The following PIP5K1A variants were observed in gnomAD, a reference collection of about 807,000 sequenced individuals.
The protein encoded by PIP5K1A is phosphatidylinositol 4-phosphate 5-kinase type-1 alpha.
Under a neutral mutation model 72.9 loss-of-function variants are expected in PIP5K1A, and 46 were observed. The observed-to-expected ratio is 0.63, with a 90% confidence interval of 0.50 to 0.81. PIP5K1A has a LOEUF of 0.81. PIP5K1A is among the 30% of genes least tolerant of loss of function. PIP5K1A has a pLI of 0.00. For missense variants in PIP5K1A, 458 were observed against 706.1 expected (o/e 0.65, Z 3.98); for synonymous variants, 228 against 255.1 (o/e 0.89, Z 1.01).
At chr1:151,218,992 GATTAGACTAAAA>G (rs1394075261) in intron 1 of PIP5K1A, among the ~76,000 whole-genome samples, 8 of 152,184 alleles carry the variant, frequency 5.3e-5, no homozygotes, top group African/African-American at 1.4e-4. Flanking sequence ...TAATAAAAGG[GATTAGACTAAAA>G]ATTAGACTAA....
At chr1:151,238,662 A>G (rs1488602247) in intron 10 of PIP5K1A, 3 of 255,922 alleles carry the variant, frequency 1.2e-5, no homozygotes, top group Non-Finnish European at 1.5e-5. Flanking sequence ...TGTAAAATGT[A>G]TTAGACTGTG....
intron 5 of PIP5K1A, 33 bp downstream of exon 5, chr1:151,231,834 G>A: frequency 6.2e-7 from 1 of 1,609,096 alleles, no homozygotes; most frequent in Non-Finnish European, 8.5e-7. Context: ...GCATGTCCTG[G>A]AAATGTGGCC....
In PIP5K1A at chr1:151,242,452, C is replaced by T. The variant is rs369595384; in HGVS notation, c.1525C>T (p.Arg509Cys). The T allele has an allele frequency of 6.8e-5, 110 of 1,613,944 alleles. No homozygotes were observed. Among genetic ancestry groups the T allele is most frequent in the Non-Finnish European group, 8.7e-5 (103 of 1,179,986 alleles). Residue 509 changes from arginine (R) to cysteine (C), a missense_variant, in exon 14 of 16, where the codon CGT (arginine) becomes TGT (cysteine). Physicochemically the swap from Arg to Cys is radical, Grantham distance 180. Coordinates refer to ENST00000368888, the MANE Select transcript of PIP5K1A (RefSeq NM_001135638.2). The stretch of plus-strand genomic sequence containing the variant: ...CTTTTTTCCAGGCGTTCACCTTGGT[C>T]GTCCTGATGTTTTACCTCAGACTCC... ...AEVEPGVHLG[R>C]PDVLPQTPPL...
At position 151,199,035 on chromosome 1, in the gene PIP5K1A, T is replaced by C; in HGVS notation, c.39T>C (p.Gly13=). 6.2e-7 allele frequency: 1 copy of C among 1,614,052 alleles called. No homozygotes were observed. The highest frequency in any genetic ancestry group is 8.5e-7 in the Non-Finnish European group (1 of 1,180,016). ...SASSGPSSSV[G]FSSFDPAVPS... is the part of the protein sequence containing the mutation. The stretch of plus-strand genomic sequence containing the variant: ...CCTCCGGGCCGTCGTCTTCGGTCGG[T>C]TTTTCATCCTTTGATCCCGCGGTCC... Residue 13 remains glycine (G), a synonymous_variant, in exon 1 of 16, where the codon GGT becomes GGC. Transcript: ENST00000368888.
At chr1:151,227,260 T>C in intron 3 of PIP5K1A, 60 bp from the exon 4 acceptor site, 1 of 946,700 alleles carries the variant, frequency 1.1e-6, no homozygotes, top group African/African-American at 1.6e-5. Flanking sequence ...GATGTACCAT[T>C]GTGGTAGCTA....
Position 151,234,437 on chromosome 1 carries a change from C to A in PIP5K1A, c.880C>A (p.Leu294Ile). ...CTTCTTACAAGACATCCCTGATGGT[C>A]TTTTTTTGGATGCTGACATGTACAA... ...LDFLQDIPDG[L>I]FLDADMYNAL... The change falls in exon 8 of 16, where the codon CTT becomes ATT. Residue 294 changes from leucine to isoleucine, a missense_variant. Leu to Ile is a conservative substitution (Grantham distance 5). Transcript: ENST00000368888. 6.2e-7 allele frequency: 1 copy of A among 1,613,900 alleles called. No homozygotes were observed.
intron 1 of PIP5K1A, among the ~76,000 whole-genome samples, chr1:151,206,233 A>ATGG (rs1437475969): frequency 1.3e-5 from 2 of 151,824 alleles, no homozygotes; most frequent in African/African-American, 4.8e-5. Flanking sequence ...TTTATTTGTA[A>ATGG]TGGTTGTATT....
In PIP5K1A at chr1:151,219,174, A is replaced by G. The variant is rs147278270; in HGVS notation, c.86-5071A>G. ...GGTGGGCAGATCACTTGAGGTCAGG[A>G]GTTCCAGACCAGGCTGGCCAACATG... is the stretch of plus-strand genomic sequence containing the variant. On this transcript the variant is annotated intron_variant, in intron 1 of 15. Transcript: ENST00000368888. Among the ~76,000 whole-genome samples the G allele has an allele frequency of 1.4e-3, 206 of 152,230 alleles. 2 individuals are homozygous for G. Among genetic ancestry groups the G allele is most frequent in the African/African-American group, 4.8e-3 (199 of 41,556 alleles).
chr1:151,211,517 C>T (rs1013018846), intron 1 of PIP5K1A, among the ~76,000 whole-genome samples: 10 of 151,338 alleles, frequency 6.6e-5, no homozygotes, highest in Admixed American at 6.6e-4. Context: ...ATTTTGTTGG[C>T]CAGGCGTGGT....
At chr1:151,202,097 C>T (rs587748861) in intron 1 of PIP5K1A, among the ~76,000 whole-genome samples, 7 of 152,302 alleles carry the variant, frequency 4.6e-5, no homozygotes, top group Admixed American at 1.3e-4. Context: ...ACAAACTCTC[C>T]TAAATAACCT....
intron 1 of PIP5K1A, among the ~76,000 whole-genome samples, chr1:151,217,625 A>G (rs1687829687): frequency 6.6e-6 from 1 of 152,116 alleles, no homozygotes; most frequent in South Asian, 2.1e-4. Context: ...TCTGTCACCC[A>G]AGCTGGAGTG....
chr1:151,234,361 G>T lies in PIP5K1A; in HGVS notation c.804G>T (p.Arg268=). 6.2e-7 allele frequency: 1 copy of T among 1,614,058 alleles called. No individual in the cohort carries two copies. The highest frequency in any genetic ancestry group is 8.5e-7 in the Non-Finnish European group (1 of 1,179,960). The change falls in exon 8 of 16, where the codon CGG becomes CGT. Residue 268 remains arginine (R), a synonymous_variant. Coordinates refer to ENST00000368888, the MANE Select transcript of PIP5K1A (RefSeq NM_001135638.2). ...TCAAAGGCTCAACCTACAAACGGCG[G>T]GCTTCCCAGAAAGAGCGAGAGAAGC... The part of the protein sequence containing the change: ...YDLKGSTYKR[R]ASQKEREKPL...
At chr1:151,209,422 C>A (rs939998313) in intron 1 of PIP5K1A, among the ~76,000 whole-genome samples, 2 of 150,634 alleles carry the variant, frequency 1.3e-5, no homozygotes, top group African/African-American at 4.9e-5. Context: ...AGGCGCGTGC[C>A]ACCATGCCTG....
Position 151,242,691 on chromosome 1 carries a change from T to C in PIP5K1A, c.1640+124T>C, listed in dbSNP as rs587664152. On this transcript the variant is annotated intron_variant, in intron 14 of 15. Transcript: ENST00000368888. ...GATTAGTGGCTTAAAATAACAAACA[T>C]ATATCATACTTTCTGTGGGTCAGGA... The C allele has an allele frequency of 1.2e-3, 1,044 of 851,248 alleles. 1 individual carries two copies. Among genetic ancestry groups the C allele is most frequent in the Middle Eastern group, 5.7e-3 (24 of 4,224 alleles). 52.7% of individuals were successfully genotyped at this position (851,248 alleles called of 1,614,324 possible). A position where few individuals can be genotyped will look rare whatever the true frequency, so the allele number is the denominator to read the frequency against.
intron 1 of PIP5K1A, among the ~76,000 whole-genome samples, chr1:151,219,381 CAAAA>C (rs1179510165): frequency 1.0e-4 from 7 of 67,210 alleles, no homozygotes; most frequent in Admixed American, 1.9e-4. Flanking sequence ...ACTCTCGTCT[CAAAA>C]AAAAAAAAAA....
At chr1:151,226,159 C>T (rs186664245) in intron 3 of PIP5K1A, among the ~76,000 whole-genome samples, 21 of 150,846 alleles carry the variant, frequency 1.4e-4, no homozygotes, top group Admixed American at 5.3e-4. Context: ...GCGATCTCGG[C>T]TCACTGCAAC....
intron 1 of PIP5K1A, among the ~76,000 whole-genome samples, chr1:151,199,608 T>C (rs1299125661): frequency 6.9e-6 from 1 of 145,668 alleles, no homozygotes; most frequent in Non-Finnish European, 1.5e-5. Context: ...AGTGAGACCC[T>C]GTCTCAAAAA....
chr1:151,232,800 A>G (rs587768366), intron 7 of PIP5K1A, 97 bp downstream of exon 7: 6 of 1,113,712 alleles, frequency 5.4e-6, no homozygotes, highest in South Asian at 4.1e-5. Flanking sequence ...CAGCACTTCT[A>G]TCTTAAGAGT....
intron 1 of PIP5K1A, among the ~76,000 whole-genome samples, chr1:151,208,854 T>C (rs376623812): frequency 6.9e-6 from 1 of 145,194 alleles, no homozygotes; most frequent in Admixed American, 7.2e-5. Flanking sequence ...TGCCTCAGCC[T>C]CCCGAGTAGC....
Sources: gnomAD v4.1 joint callset for allele counts (sites outside exome capture counted in the v4.1 genomes callset) on GRCh38, gnomAD v4.1.1 for gene constraint, MANE v1.5 for transcripts, NCBI Gene and HGNC (gene_info 2026-07-23, HGNC 2026-07-21) for gene names.